CDYL: variants seen among roughly 807,000 people sequenced by gnomAD.
The protein encoded by CDYL is chromodomain Y-like protein.
A neutral mutation model predicts 47.3 loss-of-function variants in CDYL; 8 were observed. The ratio of observed to expected loss-of-function variants is 0.17; its 90% CI spans 0.10 to 0.31. The LOEUF is 0.31. Among genes scored for constraint, CDYL ranks in the 10% least tolerant of loss-of-function variants. The pLI is 1.00. For missense variants in CDYL, 471 were observed against 701.4 expected (o/e 0.67, Z 3.71); for synonymous variants, 266 against 265.0 (o/e 1.00, Z -0.04).
chr6:4,750,273 G>T (rs1002301874), intron 3 of CDYL, among the ~76,000 whole-genome samples: 3 of 152,188 alleles, frequency 2.0e-5, no homozygotes, highest in African/African-American at 4.8e-5. Flanking sequence ...CACGATCTTG[G>T]CTCACTGCAA....
At chr6:4,773,240 G>T (rs1032430156), upstream of CDYL, 12 of 456,764 alleles carry the variant, frequency 2.6e-5, no homozygotes, top group African/African-American at 2.0e-4. This position sits in a 1 kb window ranked among gnomAD's most constrained non-coding sequence, Gnocchi z 4.6. Context: ...CGTCTCTCTT[G>T]TTGACCACTT....
intron 2 of CDYL, among the ~76,000 whole-genome samples, chr6:4,897,146 A>T (rs1373935253): frequency 6.6e-6 from 1 of 152,266 alleles, no homozygotes; most frequent in Non-Finnish European, 1.5e-5. Context: ...AATTGCTTTT[A>T]AAAACTGGAT....
intron 1 of CDYL, among the ~76,000 whole-genome samples, chr6:4,876,328 A>G (rs1364953199): frequency 2.0e-5 from 3 of 152,150 alleles, no homozygotes; most frequent in East Asian, 3.8e-4. Flanking sequence ...TTCTGCTGAC[A>G]TGTGTTTTCA....
intron 1 of CDYL, among the ~76,000 whole-genome samples, chr6:4,788,261 A>G (rs940428603): frequency 1.3e-5 from 2 of 151,800 alleles, no homozygotes; most frequent in Non-Finnish European, 2.9e-5. Flanking sequence ...AGGCCAAGGC[A>G]GGAGGATCAC....
intron 1 of CDYL, among the ~76,000 whole-genome samples, chr6:4,875,575 C>T (rs991537085): frequency 6.6e-6 from 1 of 152,196 alleles, no homozygotes; most frequent in Non-Finnish European, 1.5e-5. Flanking sequence ...ACCTCACTTT[C>T]AGTTTACAAC....
chr6:4,936,312 G>C lies in CDYL; in HGVS notation c.948+541G>C, dbSNP rs117331041. On this transcript the variant is annotated intron_variant, in intron 3 of 6. Transcript: ENST00000397588. ...GCTCATTGCTGATAGTGCCTAGTAA[G>C]TAAGTTTTCCAGAACTGGTTGTTGG... is the stretch of plus-strand genomic sequence containing the variant. Among the ~76,000 whole-genome samples the C allele has an allele frequency of 3.8e-4, 58 of 152,314 alleles. No homozygotes were observed. The East Asian group carries it at 0.011, about 29-fold the overall frequency.
chr6:4,947,662 G>C (rs1476542756), intron 5 of CDYL, among the ~76,000 whole-genome samples: 1 of 152,090 alleles, frequency 6.6e-6, no homozygotes, highest in East Asian at 1.9e-4. Context: ...TTCACCCTCG[G>C]TCTGTCCACT....
chr6:4,950,042 G>A (rs1012688565), intron 5 of CDYL, among the ~76,000 whole-genome samples: 6 of 152,186 alleles, frequency 3.9e-5, no homozygotes, highest in Non-Finnish European at 8.8e-5. Context: ...AAGACCGGCC[G>A]CAATGAGTGA....
intron 1 of CDYL, among the ~76,000 whole-genome samples, chr6:4,835,878 G>A (rs143857929): frequency 4.6e-5 from 7 of 152,188 alleles, no homozygotes; most frequent in African/African-American, 9.7e-5. Context: ...AGGACCCTCC[G>A]AGCCAGGTGC....
At chr6:4,826,776 A>T (rs1013311135) in intron 1 of CDYL, among the ~76,000 whole-genome samples, 2 of 152,216 alleles carry the variant, frequency 1.3e-5, no homozygotes, top group African/African-American at 4.8e-5. Flanking sequence ...TGTTCTGGAA[A>T]ATGATTCATA....
intron 4 of CDYL, among the ~76,000 whole-genome samples, chr6:4,942,218 A>G (rs1381589695): frequency 6.6e-6 from 1 of 152,208 alleles, no homozygotes; most frequent in South Asian, 2.1e-4. Flanking sequence ...CAAAGATCCC[A>G]CAAACCTTGG....
chr6:4,874,604 A>G (rs1228430756), intron 1 of CDYL, among the ~76,000 whole-genome samples: 7 of 152,134 alleles, frequency 4.6e-5, no homozygotes, highest in African/African-American at 1.7e-4. Flanking sequence ...TACGTACAGT[A>G]TGTGCACAAA....
At chr6:4,725,222 G>A (rs570322573) in intron 2 of CDYL, among the ~76,000 whole-genome samples, 2 of 152,334 alleles carry the variant, frequency 1.3e-5, no homozygotes, top group South Asian at 4.1e-4. Context: ...TAGACATAAA[G>A]GTTCTCCAAG....
intron 2 of CDYL, among the ~76,000 whole-genome samples, chr6:4,727,716 G>A (rs2127412884): frequency 6.6e-6 from 1 of 152,146 alleles, no homozygotes; most frequent in African/African-American, 2.4e-5. Context: ...ACCGCTTCCA[G>A]CTGCCCTTTG....
At chr6:4,825,183 T>G (rs1013724994) in intron 1 of CDYL, among the ~76,000 whole-genome samples, 2 of 152,184 alleles carry the variant, frequency 1.3e-5, no homozygotes, top group African/African-American at 2.4e-5. Context: ...CTGTTGGAAT[T>G]TTGATAGGCC....
intron 1 of CDYL, among the ~76,000 whole-genome samples, chr6:4,839,172 T>C (rs1317726143): frequency 6.6e-6 from 1 of 152,190 alleles, no homozygotes; most frequent in Admixed American, 6.5e-5. Flanking sequence ...CCCTGATCAT[T>C]AGTGATGTTG....
At chr6:4,891,663 C>G (rs759655988) in intron 1 of CDYL, 50 bp from the exon 2 acceptor site, 133 of 1,451,028 alleles carry the variant, frequency 9.2e-5, no homozygotes, top group Non-Finnish European at 1.0e-4. Flanking sequence ...TTGCACTTTT[C>G]CCCCCAAATT....
chr6:4,842,536 T>G (rs1363609244), intron 1 of CDYL, among the ~76,000 whole-genome samples: 1 of 152,138 alleles, frequency 6.6e-6, no homozygotes, highest in Non-Finnish European at 1.5e-5. Context: ...CTTTGTCTTC[T>G]TTATCTACTG....
intron 3 of CDYL, among the ~76,000 whole-genome samples, chr6:4,748,574 C>T (rs539647343): frequency 1.1e-4 from 17 of 150,824 alleles, no homozygotes; most frequent in South Asian, 6.3e-4. Context: ...TGAATGGACA[C>T]GGGGGTAGGG....
Sources: allele counts gnomAD v4.1 joint callset (sites outside exome capture counted in the v4.1 genomes callset), GRCh38; gene constraint gnomAD v4.1.1; non-coding constraint Gnocchi (gnomAD v3.1); transcripts MANE v1.5; gene names NCBI Gene and HGNC (gene_info 2026-07-23, HGNC 2026-07-21).